Variants in MED13L observed in about 807,000 individuals in gnomAD.
MED13L encodes mediator of RNA polymerase II transcription subunit 13-like.
MED13L carries 7 observed loss-of-function variants against 220.9 expected under a neutral mutation model. That is an observed-to-expected ratio of 0.03 (90% CI 0.02 to 0.06). MED13L has a LOEUF of 0.06. Ranked by LOEUF, MED13L falls within the 10% of genes least tolerant of loss-of-function variation. The pLI, the probability that MED13L is intolerant of heterozygous loss-of-function variation, is 1.00. For synonymous variants in MED13L, 1,011 were observed against 1,015.2 expected, an observed-to-expected ratio of 1.00 and a Z score of 0.08; for missense variants, 1,965 against 2,760.5, an observed-to-expected ratio of 0.71 and a Z score of 6.46.
chr12:116,276,257 G>C (rs1873808716), intron 1 of MED13L, among the ~76,000 whole-genome samples: 1 of 152,038 alleles, frequency 6.6e-6, no homozygotes, highest in African/African-American at 2.4e-5. Flanking sequence ...GAGCGCGAGA[G>C]AGGCGAAGGC....
intron 4 of MED13L, among the ~76,000 whole-genome samples, chr12:116,024,226 A>T (rs535853279): frequency 6.6e-6 from 1 of 152,288 alleles, no homozygotes; most frequent in South Asian, 2.1e-4. Flanking sequence ...TGGTGCAAGG[A>T]GCCTGAAGTG....
At chr12:115,997,316 C>A in intron 14 of MED13L, 86 bp from the exon 15 acceptor site, 1 of 1,019,272 alleles carries the variant, frequency 9.8e-7, no homozygotes, top group Non-Finnish European at 1.5e-6. Context: ...TCTTTGGCAC[C>A]AAAAATAGTG....
chr12:116,012,455 G>A (rs1364529694), intron 9 of MED13L, among the ~76,000 whole-genome samples: 3 of 152,094 alleles, frequency 2.0e-5, no homozygotes, highest in Non-Finnish European at 4.4e-5. Flanking sequence ...ATTGACTCAA[G>A]CCCATCTGTT....
At chr12:116,140,619 C>T (rs1228841475) in intron 2 of MED13L, among the ~76,000 whole-genome samples, 1 of 152,160 alleles carries the variant, frequency 6.6e-6, no homozygotes, top group Non-Finnish European at 1.5e-5. Flanking sequence ...ATCATCACAT[C>T]CAAGTCTAAC....
At chr12:116,040,658 C>T (rs1185407540) in intron 4 of MED13L, among the ~76,000 whole-genome samples, 1 of 152,074 alleles carries the variant, frequency 6.6e-6, no homozygotes, top group African/African-American at 2.4e-5. Context: ...CGTATCAGAA[C>T]TGGAAACTAC....
At chr12:116,170,904 T>C (rs1879637401) in intron 2 of MED13L, among the ~76,000 whole-genome samples, 1 of 152,150 alleles carries the variant, frequency 6.6e-6, no homozygotes, top group Non-Finnish European at 1.5e-5. Flanking sequence ...ACCTGACAAA[T>C]TTTTACTCTT....
intron 4 of MED13L, among the ~76,000 whole-genome samples, chr12:116,055,155 AG>A (rs1868843919): frequency 6.6e-6 from 1 of 152,162 alleles, no homozygotes; most frequent in African/African-American, 2.4e-5. Flanking sequence ...GATCCCTTTG[AG>A]GGGGAAATGA....
intron 2 of MED13L, among the ~76,000 whole-genome samples, chr12:116,176,876 C>CAAA (rs11285058): frequency 4.0e-5 from 3 of 74,200 alleles, no homozygotes; most frequent in African/African-American, 5.3e-5. Context: ...AGAACTCAGC[C>CAAA]AAAAAAAAAA....
intron 1 of MED13L, among the ~76,000 whole-genome samples, chr12:116,252,208 C>T (rs1871623611): frequency 6.6e-6 from 1 of 152,110 alleles, no homozygotes; most frequent in Non-Finnish European, 1.5e-5. Context: ...TAAAACATTA[C>T]ACCAACAGCA....
chr12:116,020,459 C>T (rs1010733019), intron 5 of MED13L, among the ~76,000 whole-genome samples: 5 of 152,190 alleles, frequency 3.3e-5, no homozygotes. Context: ...AAAACTTGAA[C>T]ACTCTTGTGG....
rs1056514565 is a variant in MED13L at position 116,179,802 on chromosome 12, T to C, written c.310+57666A>G. Among the ~76,000 whole-genome samples, 19 of 151,980 alleles carry C rather than the reference T, an allele frequency of 1.3e-4. 1 individual carries two copies. The highest frequency in any genetic ancestry group is 2.5e-4 in the Non-Finnish European group (17 of 68,008). On this transcript the variant is annotated intron_variant, in intron 2 of 30. Coordinates refer to ENST00000281928, the MANE Select transcript of MED13L (RefSeq NM_015335.5). ...TTACATACAACCCTACATGGATGGA[T>C]ATGGCCATTCTCCATGGGACAGTGC...
chr12:116,119,973 A>C (rs558849474), intron 2 of MED13L, among the ~76,000 whole-genome samples: 1 of 151,524 alleles, frequency 6.6e-6, no homozygotes, highest in African/African-American at 2.4e-5. Context: ...TGTTACAAAT[A>C]ATAAATATAT....
chr12:116,231,938 G>A (rs1339727126), intron 2 of MED13L: 1 of 229,428 alleles, frequency 4.4e-6, no homozygotes, highest in Admixed American at 6.5e-5. Flanking sequence ...TGGAATTGTA[G>A]ACTGTAATCT....
intron 2 of MED13L, among the ~76,000 whole-genome samples, chr12:116,119,275 G>T (rs895107729): frequency 3.3e-5 from 5 of 152,152 alleles, no homozygotes; most frequent in Non-Finnish European, 5.9e-5. Flanking sequence ...GGGACAAAAA[G>T]AAAGCCGATG....
chr12:116,170,647 C>T (rs1418892357), intron 2 of MED13L, among the ~76,000 whole-genome samples: 1 of 145,138 alleles, frequency 6.9e-6, no homozygotes, highest in Non-Finnish European at 1.5e-5. Context: ...GTTGCCCAGG[C>T]TAGGGTACAG....
At chr12:116,036,500 G>C (rs977437174) in intron 4 of MED13L, among the ~76,000 whole-genome samples, 1 of 152,166 alleles carries the variant, frequency 6.6e-6, no homozygotes, top group African/African-American at 2.4e-5. Context: ...TTGAGTTTTA[G>C]AATGCAACTA....
At chr12:116,053,486 G>A (rs991752334) in intron 4 of MED13L, among the ~76,000 whole-genome samples, 3 of 152,118 alleles carry the variant, frequency 2.0e-5, no homozygotes, top group Non-Finnish European at 1.5e-5. Context: ...TAGAAAGGAA[G>A]GCTATCCAGG....
At chr12:116,272,887 T>C (rs1873498251) in intron 1 of MED13L, among the ~76,000 whole-genome samples, 1 of 152,266 alleles carries the variant, frequency 6.6e-6, no homozygotes, top group Non-Finnish European at 1.5e-5. Flanking sequence ...GAGGTTAATA[T>C]GGCAACTATT....
At chr12:116,254,180 G>A (rs1282840678) in intron 1 of MED13L, among the ~76,000 whole-genome samples, 5 of 152,000 alleles carry the variant, frequency 3.3e-5, no homozygotes, top group Non-Finnish European at 7.4e-5. Context: ...ACAGGAACAA[G>A]GTAAGGATGT....
Sources: gnomAD v4.1 joint callset for allele counts (sites outside exome capture counted in the v4.1 genomes callset) on GRCh38, gnomAD v4.1.1 for gene constraint, MANE v1.5 for transcripts, NCBI Gene and HGNC (gene_info 2026-07-23, HGNC 2026-07-21) for gene names.